The following MCTP1 variants were observed in gnomAD, a reference collection of about 807,000 sequenced individuals.
MCTP1 encodes the protein multiple C2 and transmembrane domain-containing protein 1.
MCTP1 carries 69 observed loss-of-function variants against 120.6 expected under a neutral mutation model. That is an observed-to-expected ratio of 0.57 (90% CI 0.47 to 0.70). The LOEUF (loss-of-function observed/expected upper bound fraction) is 0.70, where lower values mean the gene tolerates loss of function less well. MCTP1 is among the 30% of genes least tolerant of loss of function. The pLI is 0.00. For missense variants in MCTP1, 1,203 were observed against 1,248.8 expected (o/e 0.96, Z 0.55); for synonymous variants, 529 against 493.1 (o/e 1.07, Z -0.96).
At chr5:95,244,261 C>T (rs917026646) in intron 1 of MCTP1, among the ~76,000 whole-genome samples, 3 of 152,198 alleles carry the variant, frequency 2.0e-5, no homozygotes, top group Non-Finnish European at 2.9e-5. Context: ...CCAGCAAGAT[C>T]GACGCAGATG....
At chr5:95,017,618 G>A (rs1009789541) in intron 1 of MCTP1, 134 bp from the exon 2 acceptor site, 1 of 431,572 alleles carries the variant, frequency 2.3e-6, no homozygotes. Context: ...ATTTCATACA[G>A]TCTCATAATC....
At chr5:95,228,768 T>C (rs1411011253) in intron 1 of MCTP1, among the ~76,000 whole-genome samples, 6 of 152,206 alleles carry the variant, frequency 3.9e-5, no homozygotes, top group East Asian at 1.9e-4. Flanking sequence ...CCTTGTGAGA[T>C]CTGGTTGGTT....
chr5:95,122,641 C>T (rs1048885530), intron 1 of MCTP1, among the ~76,000 whole-genome samples: 1 of 152,122 alleles, frequency 6.6e-6, no homozygotes, highest in African/African-American at 2.4e-5. Context: ...CAATTCCACT[C>T]CTAGGTATAC....
intron 19 of MCTP1, among the ~76,000 whole-genome samples, chr5:94,772,016 C>T (rs1412443218): frequency 6.6e-6 from 1 of 152,134 alleles, no homozygotes; most frequent in South Asian, 2.1e-4. Flanking sequence ...CCAAAGCCAG[C>T]AACAGCAGTC....
At chr5:95,050,471 A>T (rs1745604332) in intron 1 of MCTP1, among the ~76,000 whole-genome samples, 1 of 152,196 alleles carries the variant, frequency 6.6e-6, no homozygotes, top group Non-Finnish European at 1.5e-5. Context: ...AAATGAAGCC[A>T]TCGGACATCA....
At chr5:94,842,871 T>A (rs1467016821) in intron 17 of MCTP1, among the ~76,000 whole-genome samples, 2 of 152,096 alleles carry the variant, frequency 1.3e-5, no homozygotes, top group African/African-American at 4.8e-5. Flanking sequence ...TTTTTTGCCC[T>A]GATAAAAGGG....
At chr5:95,122,476 T>G (rs1758314658) in intron 1 of MCTP1, among the ~76,000 whole-genome samples, 1 of 152,114 alleles carries the variant, frequency 6.6e-6, no homozygotes, top group African/African-American at 2.4e-5. Flanking sequence ...TTAAAATGGC[T>G]TATATCCAAA....
chr5:94,961,915 T>A (rs1824321405), intron 2 of MCTP1, among the ~76,000 whole-genome samples: 1 of 152,190 alleles, frequency 6.6e-6, no homozygotes, highest in African/African-American at 2.4e-5. Flanking sequence ...GCTAATTTGT[T>A]TGTGCTCATT....
At chr5:95,211,698 C>G (rs982253695) in intron 1 of MCTP1, among the ~76,000 whole-genome samples, 1 of 152,172 alleles carries the variant, frequency 6.6e-6, no homozygotes, top group Admixed American at 6.6e-5. Context: ...CTCCGTCCAG[C>G]TTTGTCCCAT....
intron 1 of MCTP1, among the ~76,000 whole-genome samples, chr5:95,227,443 G>A (rs1210417091): frequency 6.6e-6 from 1 of 152,106 alleles, no homozygotes; most frequent in African/African-American, 2.4e-5. Context: ...TGAAACCCAA[G>A]ACAAAGCTCA....
chr5:94,939,064 T>C (rs568638155), intron 5 of MCTP1, among the ~76,000 whole-genome samples: 1 of 152,154 alleles, frequency 6.6e-6, no homozygotes, highest in East Asian at 1.9e-4. Context: ...ATTTAGCAAA[T>C]ATTATATGTA....
At position 94,799,021 on chromosome 5, in the gene MCTP1, G is replaced by A. The variant is rs144106740; in HGVS notation, c.2548C>T (p.Arg850Cys). ...AGAGAGTAGAGACTTACTGTATCAC[G>A]TTGCCTGTTATCTTTCCCTGATATT... ...LIISGKDNRQ[R>C]DTVVEDMLED... The change falls in exon 18 of 23, where the codon CGT (arginine) becomes TGT (cysteine). Residue 850 changes from arginine (R) to cysteine (C), a missense_variant. Arg to Cys is a radical substitution (Grantham distance 180). Transcript: ENST00000515393. 6.2e-6 allele frequency: 10 copies of A among 1,610,722 alleles called. No individual in the cohort carries two copies. Among genetic ancestry groups the A allele is most frequent in the African/African-American group, 5.4e-5 (4 of 74,730 alleles).
intron 2 of MCTP1, among the ~76,000 whole-genome samples, chr5:94,958,399 G>C (rs1191518535): frequency 6.6e-6 from 1 of 151,986 alleles, no homozygotes; most frequent in Non-Finnish European, 1.5e-5. Flanking sequence ...GCTAGCAGAA[G>C]ACAAGAAATA....
intron 17 of MCTP1, among the ~76,000 whole-genome samples, chr5:94,828,721 A>T (rs1156875487): frequency 1.3e-5 from 2 of 152,180 alleles, no homozygotes; most frequent in Non-Finnish European, 2.9e-5. Flanking sequence ...GGCTCTGCCC[A>T]TTCCGAACTT....
At chr5:94,894,928 A>G in intron 10 of MCTP1, 93 bp from the exon 11 acceptor site, 2 of 757,626 alleles carry the variant, frequency 2.6e-6, no homozygotes, top group East Asian at 2.7e-5. Flanking sequence ...ATAAATCAAT[A>G]GAAATATTAT....
intron 19 of MCTP1, among the ~76,000 whole-genome samples, chr5:94,769,567 T>C (rs543663515): frequency 6.6e-6 from 1 of 152,302 alleles, no homozygotes; most frequent in African/African-American, 2.4e-5. Context: ...TGGAGTATGA[T>C]AGACCACAAA....
intron 7 of MCTP1, among the ~76,000 whole-genome samples, chr5:94,918,604 T>C (rs1360830433): frequency 6.6e-6 from 1 of 152,088 alleles, no homozygotes; most frequent in African/African-American, 2.4e-5. Context: ...GAACAGGAAC[T>C]CCTGGGGGGA....
chr5:95,122,552 GA>G (rs1258988210), intron 1 of MCTP1, among the ~76,000 whole-genome samples: 1 of 152,168 alleles, frequency 6.6e-6, no homozygotes, highest in Non-Finnish European at 1.5e-5. Flanking sequence ...CTCTGGGTGG[GA>G]ATGTAAATTA....
chr5:94,786,576 C>T (rs1268629065), intron 18 of MCTP1, among the ~76,000 whole-genome samples: 1 of 152,152 alleles, frequency 6.6e-6, no homozygotes, highest in South Asian at 2.1e-4. Context: ...ACCTCCAAAC[C>T]GTTATATCAT....
Sources: gnomAD v4.1 joint callset for allele counts (sites outside exome capture counted in the v4.1 genomes callset) on GRCh38, gnomAD v4.1.1 for gene constraint, MANE v1.5 for transcripts, NCBI Gene and HGNC (gene_info 2026-07-23, HGNC 2026-07-21) for gene names.